The following ATRNL1 variants were observed in gnomAD, a reference collection of about 807,000 sequenced individuals.
ATRNL1 encodes the protein attractin like 1.
A neutral mutation model predicts 182.7 loss-of-function variants in ATRNL1; 95 were observed. That is an observed-to-expected ratio of 0.52 (90% CI 0.44 to 0.62). The LOEUF is 0.62. ATRNL1 is among the 20% of genes least tolerant of loss of function. The pLI, the probability that ATRNL1 is intolerant of heterozygous loss-of-function variation, is 0.00. For synonymous variants in ATRNL1, 576 were observed against 568.3 expected, an observed-to-expected ratio of 1.01 and a Z score of -0.19; for missense variants, 1,471 against 1,679.5, an observed-to-expected ratio of 0.88 and a Z score of 2.17.
chr10:115,206,784 C>T (rs1848815359), intron 8 of ATRNL1, among the ~76,000 whole-genome samples: 1 of 151,962 alleles, frequency 6.6e-6, no homozygotes, highest in South Asian at 2.1e-4. Context: ...TTTGCTGCAC[C>T]CATCAACTCG....
intron 24 of ATRNL1, among the ~76,000 whole-genome samples, chr10:115,499,812 A>G (rs1242145829): frequency 6.6e-6 from 1 of 152,220 alleles, no homozygotes; most frequent in African/African-American, 2.4e-5. Flanking sequence ...GGCCCTAAGC[A>G]GTTCCCAGCT....
At chr10:115,556,498 C>T (rs1592846166) in intron 26 of ATRNL1, among the ~76,000 whole-genome samples, 1 of 152,166 alleles carries the variant, frequency 6.6e-6, no homozygotes, top group Non-Finnish European at 1.5e-5. Context: ...ATGAAAACTA[C>T]ATCACAACTG....
chr10:115,352,920 A>G (rs186796097), intron 19 of ATRNL1, among the ~76,000 whole-genome samples: 4 of 152,238 alleles, frequency 2.6e-5, no homozygotes, highest in Admixed American at 2.6e-4. Flanking sequence ...AACAACAACA[A>G]CAAAAACCAA....
At chr10:115,640,555 G>T (rs1158621467) in intron 26 of ATRNL1, among the ~76,000 whole-genome samples, 1 of 152,096 alleles carries the variant, frequency 6.6e-6, no homozygotes, top group Non-Finnish European at 1.5e-5. Context: ...TCATACGTTT[G>T]TTGGCCGCAT....
At chr10:115,529,487 TTTATTAATTGAATGAGCTTC>T (rs59969239) in intron 25 of ATRNL1, among the ~76,000 whole-genome samples, 26,739 of 151,206 alleles carry the variant, frequency 0.18, 2,955 homozygotes, top group Non-Finnish European at 0.25. Context: ...TCTTCTGATT[TTTATTAATTGAATGAGCTTC>T]TTATTAATTG....
intron 27 of ATRNL1, among the ~76,000 whole-genome samples, chr10:115,739,912 A>G (rs1355057717): frequency 2.0e-5 from 3 of 152,198 alleles, no homozygotes; most frequent in African/African-American, 7.2e-5. Context: ...TACTAATTTA[A>G]CTTGTATATC....
chr10:115,354,354 A>T (rs1370575269), intron 19 of ATRNL1, among the ~76,000 whole-genome samples: 1 of 151,726 alleles, frequency 6.6e-6, no homozygotes, highest in Non-Finnish European at 1.5e-5. Flanking sequence ...TTTTTTTTGT[A>T]AAATCTCTTC....
At chr10:115,652,638 A>G (rs1328385157) in intron 26 of ATRNL1, among the ~76,000 whole-genome samples, 1 of 152,072 alleles carries the variant, frequency 6.6e-6, no homozygotes, top group African/African-American at 2.4e-5. Flanking sequence ...GCAGCACCTT[A>G]AAGAAGCAGT....
chr10:115,673,859 C>A (rs74158244), intron 26 of ATRNL1, among the ~76,000 whole-genome samples: 1,803 of 152,094 alleles, frequency 0.012, 34 homozygotes, highest in African/African-American at 0.041. Context: ...GATCAGAAGA[C>A]GTGTAGCTTC....
At chr10:115,884,064 T>C (rs1555109232) in intron 28 of ATRNL1, among the ~76,000 whole-genome samples, 1 of 152,086 alleles carries the variant, frequency 6.6e-6, no homozygotes, top group African/African-American at 2.4e-5. Flanking sequence ...TGAGGAAAAA[T>C]GGAACAAGCT....
At chr10:115,715,431 C>A (rs1004512269) in intron 26 of ATRNL1, among the ~76,000 whole-genome samples, 12 of 152,078 alleles carry the variant, frequency 7.9e-5, no homozygotes, top group African/African-American at 2.9e-4. Flanking sequence ...TTTTGATATA[C>A]GACATGGAGG....
Position 115,727,296 on chromosome 10 carries a change from G to A in ATRNL1, c.3844G>A (p.Val1282Ile), listed in dbSNP as rs1555060503. The A allele has an allele frequency of 6.2e-7, 1 of 1,614,130 alleles. No individual in the cohort carries two copies. Among genetic ancestry groups the A allele is most frequent in the Non-Finnish European group, 8.5e-7 (1 of 1,179,986 alleles). Residue 1282 changes from valine (V) to isoleucine (I), a missense_variant, in exon 27 of 29, where the codon GTT becomes ATT. By Grantham distance (29) the Val-to-Ile change is conservative. Transcript: ENST00000355044. The part of the protein sequence containing the change: ...QQMASRPFAS[V>I]DVALEVGAEQ... ...GATGGCCAGCCGTCCCTTTGCTTCT[G>A]TTGATGTAGCTCTGGAAGTGGGAGC... is the stretch of plus-strand genomic sequence containing the variant.
chr10:115,575,518 A>G (rs1286554308), intron 26 of ATRNL1, among the ~76,000 whole-genome samples: 2 of 152,014 alleles, frequency 1.3e-5, no homozygotes, highest in Admixed American at 6.6e-5. Context: ...CTTTCATTTC[A>G]TTGTTCATCA....
chr10:115,290,023 T>C (rs953393713), intron 15 of ATRNL1, among the ~76,000 whole-genome samples: 31 of 152,254 alleles, frequency 2.0e-4, no homozygotes, highest in African/African-American at 7.0e-4. Flanking sequence ...GCATGGAATG[T>C]CATTCCATTT....
chr10:115,215,915 C>T, intron 9 of ATRNL1, 35 bp downstream of exon 9: 1 of 1,403,390 alleles, frequency 7.1e-7, no homozygotes, highest in Non-Finnish European at 9.5e-7. Context: ...TCTATGTTGC[C>T]ATTATTATTG....
At chr10:115,466,322 C>G (rs549829973) in intron 22 of ATRNL1, among the ~76,000 whole-genome samples, 101 of 151,332 alleles carry the variant, frequency 6.7e-4, no homozygotes, top group Admixed American at 2.0e-3. Flanking sequence ...TAGATCTTAG[C>G]AGTATAGAAT....
At chr10:115,678,716 G>C (rs11197404) in intron 26 of ATRNL1, among the ~76,000 whole-genome samples, 1,767 of 152,134 alleles carry the variant, frequency 0.012, 34 homozygotes, top group African/African-American at 0.04. Context: ...AGTGCATGTA[G>C]GTTATTTATA....
At chr10:115,457,301 G>A (rs1847573645) in intron 21 of ATRNL1, among the ~76,000 whole-genome samples, 1 of 151,990 alleles carries the variant, frequency 6.6e-6, no homozygotes, top group South Asian at 2.1e-4. Context: ...TCCATAGGTG[G>A]TCTTGGAAAA....
intron 26 of ATRNL1, among the ~76,000 whole-genome samples, chr10:115,703,652 T>C (rs1313513813): frequency 6.6e-6 from 1 of 151,770 alleles, no homozygotes; most frequent in East Asian, 1.9e-4. Flanking sequence ...GTAACATGCA[T>C]TAACTTAATA....
Sources: allele counts gnomAD v4.1 joint callset (sites outside exome capture counted in the v4.1 genomes callset), GRCh38; gene constraint gnomAD v4.1.1; transcripts MANE v1.5; gene names NCBI Gene and HGNC (gene_info 2026-07-23, HGNC 2026-07-21).